The following PNPLA7 variants were observed in gnomAD, a reference collection of about 807,000 sequenced individuals.
PNPLA7 encodes the protein patatin-like phospholipase domain-containing protein 7.
PNPLA7 carries 153 observed loss-of-function variants against 161.7 expected under a neutral mutation model. The ratio of observed to expected loss-of-function variants is 0.95; its 90% CI spans 0.83 to 1.08. The LOEUF is 1.08. Among genes scored for constraint, PNPLA7 ranks in the 50% least tolerant of loss-of-function variants. PNPLA7 has a pLI of 0.00. For missense variants in PNPLA7, 1,739 were observed against 1,856.6 expected (o/e 0.94, Z 1.16); for synonymous variants, 809 against 782.1 (o/e 1.03, Z -0.57).
At position 137,464,468 on chromosome 9, in the gene PNPLA7, T is replaced by C. The variant is rs746075489; in HGVS notation, c.3040-12A>G. On this transcript the variant is annotated splice_polypyrimidine_tract_variant and intron_variant, in intron 26 of 34. Coordinates refer to ENST00000406427, the MANE Select transcript of PNPLA7 (RefSeq NM_001098537.3). ...AAGGACGTCATGCCCTGGGGCCACATGTGGAATTTACAGAAGGCTTCCACC... is the reference window on the plus strand; with the variant it reads ...AAGGACGTCATGCCCTGGGGCCACACGTGGAATTTACAGAAGGCTTCCACC... 15 of 1,610,736 alleles carry C rather than the reference T, an allele frequency of 9.3e-6. No individual in the cohort carries two copies. The South Asian group carries it at 1.6e-4, about 18-fold the overall frequency.
intron 23 of PNPLA7, chr9:137,479,588 A>G (rs1169968803): frequency 2.0e-6 from 2 of 985,334 alleles, no homozygotes; most frequent in Admixed American, 1.2e-4. Flanking sequence ...ACAGGAACAT[A>G]CATCAGAGAG....
chr9:137,462,779 C>T lies in PNPLA7; in HGVS notation c.3398G>A (p.Ser1133Asn), dbSNP rs1257442392. The change falls in exon 30 of 35, where the codon AGC becomes AAC. Residue 1133 changes from serine (S) to asparagine (N), a missense_variant. Ser to Asn is a conservative substitution (Grantham distance 46). This residue lies in a region of PNPLA7 where 703 missense variants were observed against 694.6 expected (regional missense o/e 1.01). Coordinates refer to ENST00000406427, the MANE Select transcript of PNPLA7 (RefSeq NM_001098537.3). ...AKVVIAIDVGSRDETDLTNYG... is the reference protein window; with the variant it reads ...AKVVIAIDVGNRDETDLTNYG... ...GTTGGTGAGGTCCGTCTCATCTCGGCTGCCCACGTCAATGGCGATCACCAC... is the reference window on the plus strand; with the variant it reads ...GTTGGTGAGGTCCGTCTCATCTCGGTTGCCCACGTCAATGGCGATCACCAC... The T allele has an allele frequency of 6.2e-7, 1 of 1,613,944 alleles. No homozygotes were observed. Among genetic ancestry groups the T allele is most frequent in the South Asian group, 1.1e-5 (1 of 91,088 alleles).
intron 14 of PNPLA7, among the ~76,000 whole-genome samples, chr9:137,502,431 C>T (rs192637774): frequency 1.1e-4 from 17 of 151,016 alleles, no homozygotes; most frequent in Admixed American, 2.0e-4. Flanking sequence ...CAGCTCCCCC[C>T]CAAAAGAGAA....
intron 4 of PNPLA7, among the ~76,000 whole-genome samples, chr9:137,544,869 C>T (rs995684215): frequency 9.2e-5 from 14 of 152,228 alleles, no homozygotes; most frequent in African/African-American, 2.4e-4. Context: ...AGGCTGGTCT[C>T]GAACTCCTGA....
chr9:137,508,099 G>GGGTGGATCACTTGAGCCC (rs1834015909), intron 12 of PNPLA7, among the ~76,000 whole-genome samples: 1 of 151,852 alleles, frequency 6.6e-6, no homozygotes. Context: ...AGGCTGAGGC[G>GGGTGGATCACTTGAGCCC]GGTGGATCAC....
intron 8 of PNPLA7, among the ~76,000 whole-genome samples, chr9:137,526,403 A>G (rs890364219): frequency 6.6e-5 from 10 of 152,100 alleles, no homozygotes; most frequent in Non-Finnish European, 1.0e-4. Context: ...TCAGCCTCCC[A>G]AGTAGCTGGG....
intron 12 of PNPLA7, among the ~76,000 whole-genome samples, chr9:137,514,702 G>A (rs1416164558): frequency 2.1e-5 from 3 of 140,264 alleles, no homozygotes; most frequent in Non-Finnish European, 4.6e-5. Context: ...CTCGGATGTT[G>A]ATGTGCCCGG....
In PNPLA7 at chr9:137,460,687, T is replaced by C; in HGVS notation, c.3892A>G (p.Arg1298Gly). The change falls in exon 34 of 35, where the codon AGG becomes GGG. Residue 1298 changes from arginine to glycine, a missense_variant. By Grantham distance (125) the Arg-to-Gly change is moderately radical. Coordinates refer to ENST00000406427, the MANE Select transcript of PNPLA7 (RefSeq NM_001098537.3). ...EYEEELLDVP[R>G]DAYADFQSTS... The stretch of plus-strand genomic sequence containing the variant: ...CTCTGGAAGTCTGCGTATGCATCCC[T>C]GGGGACGTCCAGCAGCTCCTCCTCG... 2 of 1,612,830 alleles carry C rather than the reference T, an allele frequency of 1.2e-6. No homozygotes were observed. The highest frequency in any genetic ancestry group is 1.7e-6 in the Non-Finnish European group (2 of 1,179,926).
chr9:137,467,529 T>A lies in PNPLA7; in HGVS notation c.2883-56A>T. 2 of 1,586,990 alleles carry A rather than the reference T, an allele frequency of 1.3e-6. No homozygotes were observed. Among genetic ancestry groups the A allele is most frequent in the Non-Finnish European group, 1.7e-6 (2 of 1,165,742 alleles). On this transcript the variant is annotated intron_variant, in intron 25 of 34. Transcript: ENST00000406427. This position sits in a 1 kb window ranked among gnomAD's most constrained non-coding sequence, Gnocchi z 5.1. ...TGAGTACCAGGCCCAGGCTGCGCCC[T>A]GCAGAGGCCTTGTGCTCATCCTCAG... is the stretch of plus-strand genomic sequence containing the variant.
chr9:137,497,469 T>C (rs1195733206), intron 17 of PNPLA7, among the ~76,000 whole-genome samples, 159 bp from the exon 18 acceptor site: 1 of 152,244 alleles, frequency 6.6e-6, no homozygotes, highest in Non-Finnish European at 1.5e-5. Context: ...TTTTAAAATA[T>C]TTATGTTAAC....
At chr9:137,461,079 G>A (rs1831166056) in intron 33 of PNPLA7, 2 of 357,870 alleles carry the variant, frequency 5.6e-6, no homozygotes, top group Non-Finnish European at 1.0e-5. Context: ...CTCGGCCTGC[G>A]GCAGCCATGA....
intron 21 of PNPLA7, 41 bp downstream of exon 21, chr9:137,484,546 A>C: frequency 1.3e-6 from 2 of 1,546,520 alleles, no homozygotes; most frequent in South Asian, 2.4e-5. Context: ...CACCAGGCCC[A>C]GAACCCAAGG....
chr9:137,464,354 C>A lies in PNPLA7; in HGVS notation c.3142G>T (p.Asp1048Tyr). Reference sequence around the variant, plus strand: ...TGGGGGTGCACCTCGATCTGCTGGTCCTTGAAGACGCTGAAGATGCTGCTG... The same window carrying A: ...TGGGGGTGCACCTCGATCTGCTGGTACTTGAAGACGCTGAAGATGCTGCTG... ...FNSSIFSVFK[D>Y]QQIEDLWIPY... Residue 1048 changes from aspartate to tyrosine, a missense_variant, in exon 27 of 35, where the codon GAC becomes TAC. By Grantham distance (160) the Asp-to-Tyr change is radical. This residue lies in a region of PNPLA7 where 703 missense variants were observed against 694.6 expected (regional missense o/e 1.01). Coordinates refer to ENST00000406427, the MANE Select transcript of PNPLA7 (RefSeq NM_001098537.3). 1 of 1,613,786 alleles carries A rather than the reference C, an allele frequency of 6.2e-7. No homozygotes were observed. The highest frequency in any genetic ancestry group is 8.5e-7 in the Non-Finnish European group (1 of 1,179,922).
At chr9:137,504,429 C>A (rs1463602813) in intron 14 of PNPLA7, among the ~76,000 whole-genome samples, 1 of 152,212 alleles carries the variant, frequency 6.6e-6, no homozygotes, top group Non-Finnish European at 1.5e-5. Flanking sequence ...TCAGGCTGGT[C>A]TCGGACTCTT....
rs894327003 is a variant in PNPLA7 at position 137,523,873 on chromosome 9, G to A, written c.748-1016C>T. Among the ~76,000 whole-genome samples, 17 of 151,902 alleles carry A rather than the reference G, an allele frequency of 1.1e-4. No homozygotes were observed. The highest frequency in any genetic ancestry group is 2.1e-4 in the South Asian group (1 of 4,816). On this transcript the variant is annotated intron_variant, in intron 8 of 34. Transcript: ENST00000406427. This position sits in a 1 kb window ranked among gnomAD's most constrained non-coding sequence, Gnocchi z 4.4. Reference sequence around the variant, plus strand: ...TCTCGATCTCCTGACCTCGTGATCCGCCCACCTCGGCCTCCCAAAGTGCTG... The same window carrying A: ...TCTCGATCTCCTGACCTCGTGATCCACCCACCTCGGCCTCCCAAAGTGCTG...
intron 7 of PNPLA7, among the ~76,000 whole-genome samples, chr9:137,542,266 G>A (rs948558793): frequency 4.6e-5 from 7 of 152,108 alleles, no homozygotes; most frequent in African/African-American, 1.7e-4. Context: ...CACAGGAATT[G>A]CTGATGAGCC....
chr9:137,543,607 C>T lies in PNPLA7; in HGVS notation c.366-35G>A. 6.2e-7 allele frequency: 1 copy of T among 1,605,578 alleles called. No homozygotes were observed. The highest frequency in any genetic ancestry group is 1.1e-5 in the South Asian group (1 of 89,610). On this transcript the variant is annotated intron_variant, in intron 5 of 34. Coordinates refer to ENST00000406427, the MANE Select transcript of PNPLA7 (RefSeq NM_001098537.3). The surrounding 1 kb of genome is among the most constrained non-coding windows in gnomAD (Gnocchi z 6.9). ...AGAGACACACTAGCCTTGAGCAGAC[C>T]AGGCGGGTTCGAAACCCACAGCATC... is the stretch of plus-strand genomic sequence containing the variant.
chr9:137,500,906 G>A lies in PNPLA7; in HGVS notation c.1552-10C>T, dbSNP rs760002955. 3.8e-5 allele frequency: 59 copies of A among 1,557,968 alleles called. No individual in the cohort carries two copies. The Middle Eastern group carries it at 5.0e-4, about 13-fold the overall frequency. Reference sequence around the variant, plus strand: ...ACAGGATGCTGGCGTCCTGACACACGAGAGGGCTCAGGAGGCGCCGCGAGT... The same window carrying A: ...ACAGGATGCTGGCGTCCTGACACACAAGAGGGCTCAGGAGGCGCCGCGAGT... On this transcript the variant is annotated splice_polypyrimidine_tract_variant and intron_variant, in intron 15 of 34. Coordinates refer to ENST00000406427, the MANE Select transcript of PNPLA7 (RefSeq NM_001098537.3). This position sits in a 1 kb window ranked among gnomAD's most constrained non-coding sequence, Gnocchi z 5.5.
chr9:137,497,378 T>C, intron 17 of PNPLA7, 68 bp from the exon 18 acceptor site: 3 of 1,370,980 alleles, frequency 2.2e-6, no homozygotes, highest in Non-Finnish European at 2.9e-6. Flanking sequence ...AGCTTCCCAA[T>C]GCCAGACAGA....
Sources: gnomAD v4.1 joint callset for allele counts (sites outside exome capture counted in the v4.1 genomes callset) on GRCh38, gnomAD v4.1.1 for gene constraint, gnomAD v4.1.1 regional missense constraint, Gnocchi (gnomAD v3.1) non-coding constraint, MANE v1.5 for transcripts, NCBI Gene and HGNC (gene_info 2026-07-23, HGNC 2026-07-21) for gene names.